Variants in CEP128 observed in about 807,000 individuals in gnomAD.
The protein encoded by CEP128 is centrosomal protein 128kDa.
CEP128 carries 132 observed loss-of-function variants against 156.7 expected under a neutral mutation model. The ratio of observed to expected loss-of-function variants is 0.84; its 90% CI spans 0.73 to 0.97. The LOEUF (loss-of-function observed/expected upper bound fraction) is 0.97. CEP128 is among the 50% of genes least tolerant of loss of function. The pLI, the probability that CEP128 is intolerant of heterozygous loss-of-function variation, is 0.00. For synonymous variants in CEP128, 469 were observed against 448.9 expected, an observed-to-expected ratio of 1.04 and a Z score of -0.57; for missense variants, 1,252 against 1,281.9, an observed-to-expected ratio of 0.98 and a Z score of 0.36.
chr14:80,649,693 G>A (rs1894813219), intron 19 of CEP128, among the ~76,000 whole-genome samples: 1 of 151,982 alleles, frequency 6.6e-6, no homozygotes, highest in South Asian at 2.1e-4. Flanking sequence ...ATTAACAGTT[G>A]GAAACCACTG....
chr14:80,897,427 C>T (rs1595562136), intron 7 of CEP128, among the ~76,000 whole-genome samples: 1 of 152,290 alleles, frequency 6.6e-6, no homozygotes, highest in East Asian at 1.9e-4. Flanking sequence ...TCAACAGAGA[C>T]TTTTCCTTTG....
At chr14:80,817,702 G>A (rs1884942001) in intron 13 of CEP128, among the ~76,000 whole-genome samples, 1 of 152,122 alleles carries the variant, frequency 6.6e-6, no homozygotes, top group South Asian at 2.1e-4. Flanking sequence ...CCAACGTGAT[G>A]AAACCCCATC....
At chr14:80,568,493 T>G (rs1467994775) in intron 20 of CEP128, among the ~76,000 whole-genome samples, 1 of 152,166 alleles carries the variant, frequency 6.6e-6, no homozygotes, top group Non-Finnish European at 1.5e-5. Context: ...GACTCTTTCT[T>G]GCCCGTCACT....
intron 21 of CEP128, 73 bp downstream of exon 21, chr14:80,559,206 G>T: frequency 1.6e-6 from 2 of 1,264,702 alleles, no homozygotes; most frequent in South Asian, 1.3e-5. Flanking sequence ...TGTTTCCTTT[G>T]GTGTGCTGTG....
intron 2 of CEP128, among the ~76,000 whole-genome samples, chr14:80,956,915 A>G (rs879384871): frequency 6.6e-5 from 10 of 152,204 alleles, no homozygotes; most frequent in Non-Finnish European, 1.3e-4. Context: ...TGCTGCCACC[A>G]CAGAATAAGA....
rs75444805 is a variant in CEP128 at position 80,951,041 on chromosome 14, T to A, written c.-172+7137A>T. 5.1e-3 allele frequency among the ~76,000 whole-genome samples: 779 copies of A among 152,096 alleles called. 16 individuals carry two copies. The highest frequency in any genetic ancestry group is 0.017 in the African/African-American group (724 of 41,514). On this transcript the variant is annotated intron_variant, in intron 2 of 7. Transcript: ENST00000555529. Reference sequence around the variant, plus strand: ...TACTGAAAGTTAAAAATAATGTCAATCTATGATTCTATACCTAGTGATGAT... The same window carrying A: ...TACTGAAAGTTAAAAATAATGTCAAACTATGATTCTATACCTAGTGATGAT...
At chr14:80,903,639 A>G (rs921759715) in intron 6 of CEP128, among the ~76,000 whole-genome samples, 1 of 152,098 alleles carries the variant, frequency 6.6e-6, no homozygotes, top group Non-Finnish European at 1.5e-5. Flanking sequence ...TAAAGAACTC[A>G]AACAACTCAA....
At chr14:80,935,682 A>T in intron 2 of CEP128, among the ~76,000 whole-genome samples, 1 of 142,248 alleles carries the variant, frequency 7.0e-6, no homozygotes, top group Non-Finnish European at 1.5e-5. Context: ...AACACACATG[A>T]GCTAGCTTAA....
chr14:80,784,254 G>A (rs1901276319), intron 15 of CEP128, among the ~76,000 whole-genome samples: 1 of 147,510 alleles, frequency 6.8e-6, no homozygotes, highest in Admixed American at 6.8e-5. Flanking sequence ...TAAATAATAT[G>A]GAATCTATAT....
intron 8 of CEP128, among the ~76,000 whole-genome samples, chr14:80,877,267 T>C (rs1013646968): frequency 2.0e-5 from 3 of 150,974 alleles, no homozygotes; most frequent in South Asian, 2.1e-4. Context: ...ATATAGTAAG[T>C]GGGTCCAAGA....
At chr14:80,558,376 C>T (rs373252546) in intron 21 of CEP128, among the ~76,000 whole-genome samples, 5 of 152,122 alleles carry the variant, frequency 3.3e-5, no homozygotes, top group South Asian at 4.2e-4. Flanking sequence ...GCAACCTCTG[C>T]CTCCCAGGTT....
At position 80,729,066 on chromosome 14, in the gene CEP128, T is replaced by G. The variant is rs1245214068; in HGVS notation, c.2806+14009A>C. Among the ~76,000 whole-genome samples the G allele has an allele frequency of 8.1e-3, 338 of 41,522 alleles. 6 individuals are homozygous for G. Among genetic ancestry groups the G allele is most frequent in the African/African-American group, 0.021 (270 of 12,858 alleles). The allele number at this position is 41,522 out of a possible 152,430, so 27.2% of individuals were successfully genotyped here. ...CAGGCTGGGCTGGTGGGGGTGTGTG[T>G]GTGTGTGTGTGTGTGTGTGTGTGTG... On this transcript the variant is annotated intron_variant, in intron 19 of 24. Coordinates refer to ENST00000555265, the MANE Select transcript of CEP128 (RefSeq NM_152446.5).
intron 19 of CEP128, among the ~76,000 whole-genome samples, chr14:80,687,633 C>A (rs60966431): frequency 0.02 from 3,113 of 152,180 alleles, 101 homozygotes; most frequent in African/African-American, 0.071. Flanking sequence ...GGGTAGTATG[C>A]TCACTACTTT....
At chr14:80,793,546 T>C (rs1011459717) in intron 13 of CEP128, among the ~76,000 whole-genome samples, 2 of 152,044 alleles carry the variant, frequency 1.3e-5, no homozygotes, top group Non-Finnish European at 2.9e-5. Flanking sequence ...AGAATTATAA[T>C]AAAAAATAAA....
intron 12 of CEP128, among the ~76,000 whole-genome samples, 189 bp from the exon 13 acceptor site, chr14:80,831,483 T>A (rs948144680): frequency 6.6e-6 from 1 of 152,156 alleles, no homozygotes; most frequent in African/African-American, 2.4e-5. Context: ...CATTGCTATA[T>A]CATCAAATAT....
intron 19 of CEP128, among the ~76,000 whole-genome samples, chr14:80,717,428 C>A (rs1183256299): frequency 6.6e-6 from 1 of 152,058 alleles, no homozygotes; most frequent in Non-Finnish European, 1.5e-5. Flanking sequence ...CAGAGACTAC[C>A]TAGAACAGTG....
At chr14:80,924,731 G>C (rs10151557) in intron 2 of CEP128, among the ~76,000 whole-genome samples, 17,219 of 151,614 alleles carry the variant, frequency 0.11, 1,436 homozygotes, top group African/African-American at 0.24. Flanking sequence ...TGGTTTCATG[G>C]GGGTTTTTTT....
chr14:80,737,165 G>A (rs374591495), intron 19 of CEP128, among the ~76,000 whole-genome samples: 86 of 152,312 alleles, frequency 5.6e-4, no homozygotes, highest in African/African-American at 1.9e-3. Context: ...CAGCACTTTG[G>A]GAGGCCGAGG....
intron 19 of CEP128, among the ~76,000 whole-genome samples, chr14:80,618,822 T>C (rs1474951393): frequency 6.6e-6 from 1 of 152,200 alleles, no homozygotes; most frequent in Non-Finnish European, 1.5e-5. Flanking sequence ...GGTTCCTCAA[T>C]CCAGCCCCAG....
Sources: gnomAD v4.1 joint callset for allele counts (sites outside exome capture counted in the v4.1 genomes callset) on GRCh38, gnomAD v4.1.1 for gene constraint, MANE v1.5 for transcripts, NCBI Gene and HGNC (gene_info 2026-07-23, HGNC 2026-07-21) for gene names.